Variants in ANKRD17 observed in about 807,000 individuals in gnomAD.
The protein encoded by ANKRD17 is ankyrin repeat domain-containing protein 17.
In ANKRD17, 19 loss-of-function variants were observed where a neutral mutation model predicts 229.7. The observed-to-expected ratio is 0.08, with a 90% CI of 0.06 to 0.12. The LOEUF (loss-of-function observed/expected upper bound fraction) is 0.12. ANKRD17 is among the 10% of genes least tolerant of loss of function. The pLI is 1.00. For synonymous variants in ANKRD17, 1,112 were observed against 1,146.1 expected, an observed-to-expected ratio of 0.97 and a Z score of 0.60; for missense variants, 2,176 against 3,176.8, an observed-to-expected ratio of 0.68 and a Z score of 7.57.
At chr4:73,161,153 A>G in intron 3 of ANKRD17, 39 bp downstream of exon 3, 1 of 1,598,822 alleles carries the variant, frequency 6.3e-7, no homozygotes, top group Non-Finnish European at 8.5e-7. Flanking sequence ...TATTTTTAAG[A>G]AAATGATTTC....
intron 25 of ANKRD17, chr4:73,098,962 G>T: frequency 1.0e-6 from 1 of 984,774 alleles, no homozygotes. Flanking sequence ...GTCAGAAGGA[G>T]CCCAGTGAAG....
chr4:73,104,794 A>C (rs1724415131), intron 24 of ANKRD17, among the ~76,000 whole-genome samples: 1 of 152,098 alleles, frequency 6.6e-6, no homozygotes, highest in Non-Finnish European at 1.5e-5. Context: ...TTAAAAGAAT[A>C]AGAGTTTTAA....
At chr4:73,079,716 T>C (rs943359555) in intron 30 of ANKRD17, among the ~76,000 whole-genome samples, 1 of 152,254 alleles carries the variant, frequency 6.6e-6, no homozygotes, top group Non-Finnish European at 1.5e-5. Flanking sequence ...TTTTTACTTA[T>C]GCAAACAAGG....
At chr4:73,220,646 A>T (rs566314495) in intron 1 of ANKRD17, among the ~76,000 whole-genome samples, 1 of 152,268 alleles carries the variant, frequency 6.6e-6, no homozygotes, top group South Asian at 2.1e-4. Context: ...AATATTCAAT[A>T]AGAGTACCTT....
At chr4:73,109,812 A>G (rs1725083595) in intron 24 of ANKRD17, among the ~76,000 whole-genome samples, 1 of 152,108 alleles carries the variant, frequency 6.6e-6, no homozygotes, top group African/African-American at 2.4e-5. Flanking sequence ...AGTAAGAAAC[A>G]ATGAAAGGGT....
intron 1 of ANKRD17, among the ~76,000 whole-genome samples, chr4:73,200,032 G>C (rs1738438393): frequency 6.6e-6 from 1 of 152,098 alleles, no homozygotes; most frequent in African/African-American, 2.4e-5. Flanking sequence ...ACTGATTATG[G>C]AACAAAATGG....
rs1361208670 is a variant in ANKRD17 at position 73,091,576 on chromosome 4, T to C, written c.6052A>G (p.Ser2018Gly). Residue 2018 changes from serine to glycine, a missense_variant, in exon 29 of 34, where the codon AGC (serine) becomes GGC (glycine). Around this residue, in one of 18 missense-constraint regions of ANKRD17, gnomAD observed 424 missense variants for 454.0 expected, o/e 0.93. Transcript: ENST00000358602. The stretch of plus-strand genomic sequence containing the variant: ...TTTGTGGGTGCAGTGTTGTTGTTGC[T>C]TGCCGTGGTTGTGACTGTTGTTGTG... ...ATTTTVTTTA[S>G]NNNTAPTNAT... 2 of 1,614,220 alleles carry C rather than the reference T, an allele frequency of 1.2e-6. No homozygotes were observed. Among genetic ancestry groups the C allele is most frequent in the South Asian group, 2.2e-5 (2 of 91,088 alleles).
At chr4:73,176,160 C>T (rs1734709290) in intron 2 of ANKRD17, among the ~76,000 whole-genome samples, 1 of 152,072 alleles carries the variant, frequency 6.6e-6, no homozygotes, top group Admixed American at 6.6e-5. Context: ...AACAGCATTT[C>T]TCAAAAGAAG....
At chr4:73,086,997 A>T (rs1343622270) in intron 29 of ANKRD17, among the ~76,000 whole-genome samples, 7 of 134,570 alleles carry the variant, frequency 5.2e-5, no homozygotes, top group African/African-American at 1.9e-4. Context: ...AGTTGTATAA[A>T]ACTACAGGGC....
chr4:73,193,930 TCAAAAACAACAACAAAAAA>T (rs1737486651), intron 1 of ANKRD17, among the ~76,000 whole-genome samples: 1 of 152,254 alleles, frequency 6.6e-6, no homozygotes. Context: ...AAACCTTGTC[TCAAAAACAACAACAAAAAA>T]ATCATCTTTT....
At chr4:73,115,705 C>T (rs534939377) in intron 23 of ANKRD17, 116 bp downstream of exon 23, 1 of 708,664 alleles carries the variant, frequency 1.4e-6, no homozygotes, top group Non-Finnish European at 2.4e-6. Flanking sequence ...TTCCCAAATA[C>T]TAGATAAATG....
chr4:73,220,606 G>A (rs539912104), intron 1 of ANKRD17, among the ~76,000 whole-genome samples: 51 of 152,136 alleles, frequency 3.4e-4, no homozygotes, highest in Non-Finnish European at 6.3e-4. Flanking sequence ...TTTGTGTTAT[G>A]TTCACTAATG....
intron 1 of ANKRD17, among the ~76,000 whole-genome samples, chr4:73,223,961 G>T (rs1742180860): frequency 6.6e-6 from 1 of 152,058 alleles, no homozygotes; most frequent in African/African-American, 2.4e-5. Flanking sequence ...CACTGAAAAA[G>T]GAACAATGGG....
chr4:73,116,257 C>A (rs1446375206), intron 22 of ANKRD17, among the ~76,000 whole-genome samples: 3 of 151,886 alleles, frequency 2.0e-5, no homozygotes, highest in African/African-American at 7.3e-5. Context: ...TTGCTAACTC[C>A]CTAAATATGA....
chr4:73,244,890 A>T (rs1744353693), intron 1 of ANKRD17, among the ~76,000 whole-genome samples: 1 of 152,214 alleles, frequency 6.6e-6, no homozygotes, highest in Non-Finnish European at 1.5e-5. Flanking sequence ...GGCACATCAT[A>T]TGCCTACTAA....
rs145047972 is a variant in ANKRD17, at chr4:73,185,289, T to C, written c.394-7756A>G. Among the ~76,000 whole-genome samples, 597 of 151,838 alleles carry C rather than the reference T, an allele frequency of 3.9e-3. 4 individuals carry two copies. Among genetic ancestry groups the C allele is most frequent in the Non-Finnish European group, 6.2e-3 (420 of 67,892 alleles). ...ATCAATGAATCTCAAAAGCTGGTAA[T>C]AAATAAAAATATTTATTATTGTTTT... On this transcript the variant is annotated intron_variant, in intron 1 of 33. Coordinates refer to ENST00000358602, the MANE Select transcript of ANKRD17 (RefSeq NM_032217.5).
intron 16 of ANKRD17, 144 bp downstream of exon 16, chr4:73,134,973 G>A (rs1359286805): frequency 3.9e-6 from 3 of 760,416 alleles, no homozygotes; most frequent in Non-Finnish European, 5.8e-6. Context: ...TTTTTTAAAT[G>A]TGAACTTTAA....
intron 2 of ANKRD17, among the ~76,000 whole-genome samples, chr4:73,167,416 C>T (rs1733380684): frequency 6.6e-6 from 1 of 152,124 alleles, no homozygotes; most frequent in South Asian, 2.1e-4. Flanking sequence ...CAACTATTTG[C>T]ATCGTATGAA....
Position 73,096,040 on chromosome 4 carries a change from T to C in ANKRD17, c.5177+1077A>G, listed in dbSNP as rs553372478. Among the ~76,000 whole-genome samples the C allele has an allele frequency of 1.8e-3, 276 of 152,266 alleles. 2 individuals carry two copies. Among genetic ancestry groups the C allele is most frequent in the African/African-American group, 6.6e-3 (273 of 41,562 alleles). ...CAATATTTCTAAAAGAAATACAGTA[T>C]AAAGTTCTCAATAAAGAGAAGCAGT... On this transcript the variant is annotated intron_variant, in intron 27 of 33. Transcript: ENST00000358602.
Sources: allele counts gnomAD v4.1 joint callset (sites outside exome capture counted in the v4.1 genomes callset), GRCh38; gene constraint gnomAD v4.1.1; regional missense constraint gnomAD v4.1.1; transcripts MANE v1.5; gene names NCBI Gene and HGNC (gene_info 2026-07-23, HGNC 2026-07-21).